Variants in KRT5 observed in about 807,000 individuals in gnomAD.
KRT5 encodes the protein keratin, type II cytoskeletal 5.
A neutral mutation model predicts 44.0 loss-of-function variants in KRT5; 17 were observed. The ratio of observed to expected loss-of-function variants is 0.39; its 90% confidence interval spans 0.26 to 0.58. The LOEUF is 0.58. KRT5 is among the 20% of genes least tolerant of loss of function. KRT5 has a pLI of 0.61. For missense variants in KRT5, 737 were observed against 785.5 expected (o/e 0.94, Z 0.74); for synonymous variants, 329 against 312.8 (o/e 1.05, Z -0.55).
intron 2 of KRT5, chr12:52,518,519 A>G: frequency 1.8e-6 from 1 of 549,722 alleles, no homozygotes; most frequent in Non-Finnish European, 3.4e-6. Context: ...GAAAAGAAAC[A>G]AAATTAAATC....
intron 1 of KRT5, 129 bp downstream of exon 1, chr12:52,519,613 A>C: frequency 9.5e-7 from 1 of 1,048,662 alleles, no homozygotes; most frequent in Admixed American, 1.7e-5. Context: ...AGGGCACAGA[A>C]ACAAACGGAA....
At chr12:52,518,919 C>A (rs1250836846) in intron 2 of KRT5, 27 bp downstream of exon 2, 1 of 1,613,840 alleles carries the variant, frequency 6.2e-7, no homozygotes, top group South Asian at 1.1e-5. Flanking sequence ...CCACCCTCCC[C>A]TGTGTCCACC....
chr12:52,519,403 AG>A (rs1351938173), intron 1 of KRT5: 2 of 666,766 alleles, frequency 3.0e-6, no homozygotes, highest in Non-Finnish European at 5.1e-6. Flanking sequence ...GTCCCGGCTC[AG>A]GGGTGGCTGC....
Position 52,514,802 on chromosome 12 carries a change from A to G in KRT5, c.*140T>C, listed in dbSNP as rs1938577087. 2.7e-6 allele frequency: 2 copies of G among 747,676 alleles called. No individual in the cohort carries two copies. Among genetic ancestry groups the G allele is most frequent in the East Asian group, 4.9e-5 (2 of 40,474 alleles). The allele number at this position is 747,676 out of a possible 1,614,324, so 46.3% of individuals were successfully genotyped here. A position where few individuals can be genotyped will look rare whatever the true frequency, so the allele number is the denominator to read the frequency against. On this transcript the variant is annotated 3_prime_UTR_variant, in exon 9 of 9. Coordinates refer to ENST00000252242, the MANE Select transcript of KRT5 (RefSeq NM_000424.4). The stretch of plus-strand genomic sequence containing the variant: ...TGGGAATGGGGCTCTCCTGGGAACC[A>G]AAGAATGTGGTTCTGCAATTGGCTT...
Position 52,519,922 on chromosome 12 carries a change from A to T in KRT5, c.375T>A (p.Gly125=). The change falls in exon 1 of 9, where the codon GGT becomes GGA. Residue 125 remains glycine, a synonymous_variant. Coordinates refer to ENST00000252242, the MANE Select transcript of KRT5 (RefSeq NM_000424.4). ...FGLGGGAGFG[G]GFGGPGFPVC... is the part of the protein sequence containing the mutation. ...CAGGAAAGCCAGGGCCACCGAAGCCACCTCCAAAGCCAGCTCCGCCACCGA... is the reference window on the plus strand; with the variant it reads ...CAGGAAAGCCAGGGCCACCGAAGCCTCCTCCAAAGCCAGCTCCGCCACCGA... 6.2e-7 allele frequency: 1 copy of T among 1,612,344 alleles called. No individual in the cohort carries two copies. Among genetic ancestry groups the T allele is most frequent in the East Asian group, 2.2e-5 (1 of 44,806 alleles).
chr12:52,517,241 G>A lies in KRT5; in HGVS notation c.1093-9C>T. ...TGCTGCAGCTCCTCATACTGATGCA[G>A]CCAGGAAAGAGGAAAGATTCTGTTT... On this transcript the variant is annotated splice_polypyrimidine_tract_variant and intron_variant, in intron 5 of 8. Coordinates refer to ENST00000252242, the MANE Select transcript of KRT5 (RefSeq NM_000424.4). 1 of 1,614,052 alleles carries A rather than the reference G, an allele frequency of 6.2e-7. No homozygotes were observed. Among genetic ancestry groups the A allele is most frequent in the Non-Finnish European group, 8.5e-7 (1 of 1,180,026 alleles).
At chr12:52,517,031 A>G (rs766996190) in intron 6 of KRT5, 76 bp downstream of exon 6, 11 of 1,589,940 alleles carry the variant, frequency 6.9e-6, no homozygotes, top group Non-Finnish European at 8.6e-6. Context: ...TAGCAAAAGT[A>G]AAACAAAATA....
In KRT5 at chr12:52,520,185, A is replaced by T; in HGVS notation, c.112T>A (p.Ser38Thr). 6.2e-7 allele frequency: 1 copy of T among 1,613,982 alleles called. No individual in the cohort carries two copies. The change falls in exon 1 of 9, where the codon TCC becomes ACC. Residue 38 changes from serine (S) to threonine (T), a missense_variant. By Grantham distance (58) the Ser-to-Thr change is moderately conservative. Transcript: ENST00000252242. ...SRTSFTSVSR[S>T]GGGGGGGFGR... ...AAGCCACCACCACCGCCACCCCCGG[A>T]CCGGGACACGGAGGTGAAGCTGGTG...
In KRT5 at chr12:52,517,234, T is replaced by C; in HGVS notation, c.1093-2A>G. On this transcript the variant is annotated splice_acceptor_variant, in intron 5 of 8. Transcript: ENST00000252242. LOFTEE classifies it high-confidence loss of function. ...AGCTGTCTGCTGCAGCTCCTCATAC[T>C]GATGCAGCCAGGAAAGAGGAAAGAT... is the stretch of plus-strand genomic sequence containing the variant. 2 of 1,614,084 alleles carry C rather than the reference T, an allele frequency of 1.2e-6. No individual in the cohort carries two copies. The highest frequency in any genetic ancestry group is 1.3e-5 in the African/African-American group (1 of 75,042).
chr12:52,515,601 G>C (rs1221590299), intron 8 of KRT5, 197 bp downstream of exon 8: 2 of 663,004 alleles, frequency 3.0e-6, no homozygotes, highest in Admixed American at 4.3e-5. Flanking sequence ...CCCTTTAAGA[G>C]ATGAGACATA....
At position 52,515,163 on chromosome 12, in the gene KRT5, C is replaced by T. The variant is rs370820008; in HGVS notation, c.1552G>A (p.Gly518Ser). 7.2e-5 allele frequency: 116 copies of T among 1,610,588 alleles called. No homozygotes were observed. Among genetic ancestry groups the T allele is most frequent in the Non-Finnish European group, 9.5e-5 (112 of 1,178,806 alleles). ...YGGGLGGGLG[G>S]GLGGGLAGGS... Reference sequence around the variant, plus strand: ...CCGGCAAGACCTCCACCGAGGCCGCCGCCAAGACCTCCACCGAGGCCACCG... The same window carrying T: ...CCGGCAAGACCTCCACCGAGGCCGCTGCCAAGACCTCCACCGAGGCCACCG... The change falls in exon 9 of 9, where the codon GGC (glycine) becomes AGC (serine). Residue 518 changes from glycine to serine, a missense_variant. Gly to Ser is a moderately conservative substitution (Grantham distance 56). Around this residue, in one of 5 missense-constraint regions of KRT5, gnomAD observed 344 missense variants for 351.6 expected, o/e 0.98. Transcript: ENST00000252242.
chr12:52,517,651 G>T lies in KRT5; in HGVS notation c.1031C>A (p.Ala344Asp). The T allele has an allele frequency of 6.2e-7, 1 of 1,614,160 alleles. No homozygotes were observed. Among genetic ancestry groups the T allele is most frequent in the Non-Finnish European group, 8.5e-7 (1 of 1,180,018 alleles). ...GCGGTTGGCAATCTCCTCATACTGG[G>T]CCTTGACCTCAGCGATGATGCTATC... Reference protein sequence around the residue: ...DLDSIIAEVKAQYEEIANRSR... With the variant: ...DLDSIIAEVKDQYEEIANRSR... The change falls in exon 5 of 9, where the codon GCC becomes GAC. Residue 344 changes from alanine to aspartate, a missense_variant. Physicochemically the swap from Ala to Asp is moderately radical, Grantham distance 126 (BLOSUM62 -2). Around this residue, in one of 5 missense-constraint regions of KRT5, gnomAD observed 344 missense variants for 351.6 expected, o/e 0.98. Transcript: ENST00000252242.
Position 52,519,637 on chromosome 12 carries a change from C to T in KRT5, c.555+105G>A. ...AAACAAACGGAAACACAGAACTGTACAACTATAAAAGTATTTGCACAAAGC... is the reference window on the plus strand; with the variant it reads ...AAACAAACGGAAACACAGAACTGTATAACTATAAAAGTATTTGCACAAAGC... On this transcript the variant is annotated intron_variant, in intron 1 of 8. Transcript: ENST00000252242. 3 of 1,210,344 alleles carry T rather than the reference C, an allele frequency of 2.5e-6. No homozygotes were observed. The South Asian group carries it at 3.6e-5, about 15-fold the overall frequency. 75.0% of individuals were successfully genotyped at this position (1,210,344 alleles called of 1,614,324 possible). A position where few individuals can be genotyped will look rare whatever the true frequency, so the allele number is the denominator to read the frequency against.
In KRT5 at chr12:52,516,810, C is replaced by A; in HGVS notation, c.1266G>T (p.Glu422Asp). ...NAIADAEQRG[E>D]LALKDARNKL... ...TGTTCCTGGCATCCTTGAGGGCCAG[C>A]TCCCCACGCTGCTCGGCATCCGCAA... is the stretch of plus-strand genomic sequence containing the variant. Residue 422 changes from glutamate (E) to aspartate (D), a missense_variant, in exon 7 of 9, where the codon GAG (glutamate) becomes GAT (aspartate). By Grantham distance (45) the Glu-to-Asp change is conservative. This residue lies in a region of KRT5 where 344 missense variants were observed against 351.6 expected (regional missense o/e 0.98). Transcript: ENST00000252242. 1.2e-6 allele frequency: 2 copies of A among 1,614,198 alleles called. No individual in the cohort carries two copies. Among genetic ancestry groups the A allele is most frequent in the Non-Finnish European group, 1.7e-6 (2 of 1,180,044 alleles).
At chr12:52,515,437 G>T in intron 8 of KRT5, 197 bp from the exon 9 acceptor site, 1 of 719,560 alleles carries the variant, frequency 1.4e-6, no homozygotes, top group Non-Finnish European at 2.4e-6. Flanking sequence ...GCTAGGTACT[G>T]AGAGGAGCTA....
Position 52,520,093 on chromosome 12 carries a change from C to A in KRT5, c.204G>T (p.Leu68=). ...TGATGGATATCCTCTTGGAGCCCCC[C>A]AGGTTGTAGAGGCTCCGGCTGCCAT... ...GGYGSRSLYN[L]GGSKRISIST... is the part of the protein sequence containing the mutation. The change falls in exon 1 of 9, where the codon CTG becomes CTT. Residue 68 remains leucine (L), a synonymous_variant. Transcript: ENST00000252242. 1 of 1,614,116 alleles carries A rather than the reference C, an allele frequency of 6.2e-7. No individual in the cohort carries two copies. The highest frequency in any genetic ancestry group is 1.1e-5 in the South Asian group (1 of 91,070).
rs777132336 is a variant in KRT5 at position 52,519,930 on chromosome 12, AGCCAGCTCC to A, written c.358_366del (p.Gly120_Gly122del). The A allele has an allele frequency of 3.7e-6, 6 of 1,612,472 alleles. No individual in the cohort carries two copies. The Admixed American group carries it at 1.0e-4, about 27-fold the overall frequency. ...CCAGGGCCACCGAAGCCACCTCCAA[AGCCAGCTCC>A]GCCACCGAGCCCAAAGCCACCACCA... On this transcript the variant is annotated inframe_deletion, in exon 1 of 9. Coordinates refer to ENST00000252242, the MANE Select transcript of KRT5 (RefSeq NM_000424.4).
At chr12:52,517,078 T>A (rs1938623363) in intron 6 of KRT5, 29 bp downstream of exon 6, 3 of 1,613,940 alleles carry the variant, frequency 1.9e-6, no homozygotes, top group Non-Finnish European at 2.5e-6. Context: ...CTCAGGCCCC[T>A]TCCTTGCCCT....
At position 52,514,671 on chromosome 12, in the gene KRT5, G is replaced by A. The variant is rs942362509; in HGVS notation, c.*271C>T. The A allele has an allele frequency of 2.1e-6, 1 of 479,596 alleles. No homozygotes were observed. The highest frequency in any genetic ancestry group is 3.7e-6 in the Non-Finnish European group (1 of 271,822). The allele number at this position is 479,596 out of a possible 1,614,324, so 29.7% of individuals were successfully genotyped here. ...GTGGGGATTCTGTTTTGATGATTTA[G>A]ATTTGGGAAAACTTTGGGTTCTCGT... On this transcript the variant is annotated 3_prime_UTR_variant, in exon 9 of 9. Transcript: ENST00000252242.
Sources: allele counts gnomAD v4.1 joint callset, GRCh38; gene constraint gnomAD v4.1.1; regional missense constraint gnomAD v4.1.1; transcripts MANE v1.5; gene names NCBI Gene and HGNC (gene_info 2026-07-23, HGNC 2026-07-21).